ATRNL1: variants seen among roughly 807,000 people sequenced by gnomAD.
ATRNL1 encodes the protein attractin like 1, also known as attractin-like protein 1.
A neutral mutation model predicts 182.7 loss-of-function variants in ATRNL1; 95 were observed. The observed-to-expected ratio is 0.52, with a 90% CI of 0.44 to 0.62. The LOEUF (loss-of-function observed/expected upper bound fraction) is 0.62, where lower values mean the gene tolerates loss of function less well. Ranked by LOEUF, ATRNL1 falls within the 20% of genes least tolerant of loss-of-function variation. The probability of loss-of-function intolerance (pLI) is 0.00; values close to 1 mark genes in which losing one functional copy is unlikely to be tolerated. For synonymous variants in ATRNL1, 576 were observed against 568.3 expected (o/e 1.01, Z -0.19); for missense variants, 1,471 against 1,679.5 (o/e 0.88, Z 2.17).
At chr10:115,221,781 C>G (rs552118397) in intron 9 of ATRNL1, among the ~76,000 whole-genome samples, 1 of 152,106 alleles carries the variant, frequency 6.6e-6, no homozygotes, top group Non-Finnish European at 1.5e-5. Flanking sequence ...AAACCCTACT[C>G]GTGATAATTA....
At chr10:115,220,818 T>C (rs1259976988) in intron 9 of ATRNL1, among the ~76,000 whole-genome samples, 2 of 150,416 alleles carry the variant, frequency 1.3e-5, no homozygotes, top group African/African-American at 2.4e-5. Context: ...GACTGTAAAA[T>C]TGAAGTACAT....
intron 19 of ATRNL1, among the ~76,000 whole-genome samples, chr10:115,372,956 C>A (rs782522808): frequency 6.6e-6 from 1 of 152,020 alleles, no homozygotes; most frequent in Non-Finnish European, 1.5e-5. Flanking sequence ...GATCACTTTG[C>A]GTAATATGGA....
intron 26 of ATRNL1, among the ~76,000 whole-genome samples, chr10:115,619,836 A>G (rs562153873): frequency 3.9e-5 from 6 of 152,218 alleles, no homozygotes; most frequent in Non-Finnish European, 8.8e-5. Flanking sequence ...AAAAACTGGG[A>G]TATTAGACAA....
rs1304168687 is a variant in ATRNL1 at position 115,726,464 on chromosome 10, T to A, written c.3796-784T>A. Among the ~76,000 whole-genome samples, 32 of 152,202 alleles carry A rather than the reference T, an allele frequency of 2.1e-4. 1 individual carries two copies. Among genetic ancestry groups the A allele is most frequent in the Admixed American group, 2.1e-3 (32 of 15,274 alleles). On this transcript the variant is annotated intron_variant, in intron 26 of 28. Coordinates refer to ENST00000355044, the MANE Select transcript of ATRNL1 (RefSeq NM_207303.4). ...GCAATATCTAGTGCTGGTCATCAATTTTTTTATCATGACTTAATGAATATC... is the reference window on the plus strand; with the variant it reads ...GCAATATCTAGTGCTGGTCATCAATATTTTTATCATGACTTAATGAATATC...
chr10:115,328,231 A>G (rs1554933989), intron 18 of ATRNL1, among the ~76,000 whole-genome samples: 1 of 152,182 alleles, frequency 6.6e-6, no homozygotes, highest in Non-Finnish European at 1.5e-5. Context: ...ATCTTACTTT[A>G]GTAAGATACC....
intron 28 of ATRNL1, among the ~76,000 whole-genome samples, chr10:115,906,536 G>C (rs1555114599): frequency 1.3e-5 from 2 of 152,016 alleles, no homozygotes; most frequent in Non-Finnish European, 2.9e-5. Flanking sequence ...AGATTATACA[G>C]GCCTACAGAC....
chr10:115,661,804 G>A (rs1043209771), intron 26 of ATRNL1, among the ~76,000 whole-genome samples: 5 of 151,986 alleles, frequency 3.3e-5, no homozygotes, highest in Admixed American at 2.0e-4. Context: ...AAGTTTTAGA[G>A]TACATGTGCA....
At chr10:115,623,349 G>T (rs897040252) in intron 26 of ATRNL1, among the ~76,000 whole-genome samples, 21 of 152,144 alleles carry the variant, frequency 1.4e-4, no homozygotes, top group Non-Finnish European at 2.1e-4. Flanking sequence ...AACCTGAAAT[G>T]CCAGGAATGA....
chr10:115,431,906 G>A (rs183211082), intron 21 of ATRNL1, among the ~76,000 whole-genome samples: 1 of 151,766 alleles, frequency 6.6e-6, no homozygotes, highest in East Asian at 1.9e-4. Flanking sequence ...TCTGCCAAAG[G>A]AGTAACTAGT....
At chr10:115,421,708 A>G (rs1355029177) in intron 20 of ATRNL1, among the ~76,000 whole-genome samples, 6 of 152,186 alleles carry the variant, frequency 3.9e-5, no homozygotes, top group Non-Finnish European at 8.8e-5. Context: ...TAAAATTCAT[A>G]TGGAATCAAA....
intron 27 of ATRNL1, among the ~76,000 whole-genome samples, chr10:115,816,466 C>A (rs560080348): frequency 1.3e-5 from 2 of 152,210 alleles, no homozygotes; most frequent in African/African-American, 4.8e-5. Context: ...GATTTAACAT[C>A]GTTAGTAATG....
intron 26 of ATRNL1, among the ~76,000 whole-genome samples, chr10:115,709,625 CTT>C (rs1200145701): frequency 2.0e-5 from 3 of 151,718 alleles, no homozygotes. Context: ...AATGTATAGA[CTT>C]TGACAAATGA....
chr10:115,713,705 C>CTATCTATCTATCTATCTATCATCTATCT (rs1555055340), intron 26 of ATRNL1, among the ~76,000 whole-genome samples: 19 of 101,210 alleles, frequency 1.9e-4, no homozygotes, highest in Admixed American at 3.5e-4. Flanking sequence ...ATCTATCTAT[C>CTATCTATCTATCTATCTATCATCTATCT]ATCTATCTAT....
intron 19 of ATRNL1, among the ~76,000 whole-genome samples, chr10:115,376,480 G>A (rs1415511950): frequency 1.3e-5 from 2 of 151,550 alleles, no homozygotes; most frequent in African/African-American, 4.9e-5. Context: ...GAAGATATGG[G>A]GTCTGGTAGC....
intron 28 of ATRNL1, among the ~76,000 whole-genome samples, chr10:115,853,788 A>C (rs986224610): frequency 1.3e-5 from 2 of 152,230 alleles, no homozygotes; most frequent in Non-Finnish European, 2.9e-5. Flanking sequence ...AGTGGCATTC[A>C]TGGTAAAATA....
chr10:115,585,572 C>G (rs1202428031), intron 26 of ATRNL1, among the ~76,000 whole-genome samples: 1 of 67,708 alleles, frequency 1.5e-5, no homozygotes. Context: ...GGATTGCAAC[C>G]CCTGTCTTTT....
chr10:115,114,777 T>C (rs913605652), intron 1 of ATRNL1, among the ~76,000 whole-genome samples: 102 of 152,060 alleles, frequency 6.7e-4, no homozygotes, highest in Non-Finnish European at 1.3e-3. Flanking sequence ...GGAAGTTTTG[T>C]ACACTATTGG....
chr10:115,465,262 A>G (rs1380562346), intron 22 of ATRNL1, among the ~76,000 whole-genome samples: 2 of 151,684 alleles, frequency 1.3e-5, no homozygotes, highest in African/African-American at 4.8e-5. Context: ...TTATGATGAC[A>G]TAAATCAACA....
intron 5 of ATRNL1, among the ~76,000 whole-genome samples, chr10:115,145,246 G>A (rs1312323197): frequency 2.0e-5 from 3 of 152,126 alleles, no homozygotes; most frequent in African/African-American, 7.2e-5. Context: ...TGGAAGATAA[G>A]TGACTCTTCC....
Sources: gnomAD v4.1 joint callset for allele counts (sites outside exome capture counted in the v4.1 genomes callset) on GRCh38, gnomAD v4.1.1 for gene constraint, MANE v1.5 for transcripts, NCBI Gene and HGNC (gene_info 2026-07-23, HGNC 2026-07-21) for gene names.